Variants in COL21A1 observed in about 807,000 individuals in gnomAD.
COL21A1 encodes collagen alpha-1(XXI) chain.
Under a neutral mutation model 137.9 loss-of-function variants are expected in COL21A1, and 149 were observed. The observed-to-expected ratio is 1.08, with a 90% CI of 0.95 to 1.24. The LOEUF (loss-of-function observed/expected upper bound fraction) is 1.24. Ranked by LOEUF, COL21A1 falls within the 50% of genes most tolerant of loss-of-function variation. COL21A1 has a pLI of 0.00. For synonymous variants in COL21A1, 456 were observed against 391.5 expected (o/e 1.16, Z -1.95); for missense variants, 1,167 against 1,158.4 (o/e 1.01, Z -0.11).
chr6:56,061,779 T>A, intron 24 of COL21A1, 98 bp from the exon 25 acceptor site: 43 of 740,376 alleles, frequency 5.8e-5, no homozygotes, highest in Non-Finnish European at 9.3e-5. Context: ...ATTTAAAATT[T>A]CAATTTGGAA....
At chr6:56,065,409 A>G (rs1766154033) in intron 23 of COL21A1, among the ~76,000 whole-genome samples, 1 of 152,060 alleles carries the variant, frequency 6.6e-6, no homozygotes, top group African/African-American at 2.4e-5. Flanking sequence ...CACTGAAACA[A>G]AGATATCATT....
intron 1 of COL21A1, among the ~76,000 whole-genome samples, chr6:56,333,453 A>G (rs1480038783): frequency 1.3e-5 from 2 of 152,116 alleles, no homozygotes; most frequent in African/African-American, 4.8e-5. Flanking sequence ...CCATATTGTA[A>G]TGTATATCAA....
chr6:56,147,554 A>G (rs956570511), intron 10 of COL21A1, among the ~76,000 whole-genome samples: 1 of 152,038 alleles, frequency 6.6e-6, no homozygotes, highest in African/African-American at 2.4e-5. Flanking sequence ...AAACAGGCCT[A>G]CATTCACATG....
At chr6:56,327,012 T>C (rs1765110338) in intron 1 of COL21A1, among the ~76,000 whole-genome samples, 1 of 152,038 alleles carries the variant, frequency 6.6e-6, no homozygotes, top group Admixed American at 6.6e-5. Context: ...GACGCATATA[T>C]CTTCAGAATG....
At chr6:56,126,518 C>G (rs1427219567) in intron 12 of COL21A1, 1 of 184,544 alleles carries the variant, frequency 5.4e-6, no homozygotes, top group Admixed American at 6.2e-5. Flanking sequence ...TCCAATCCAG[C>G]TCAGTAATGA....
intron 1 of COL21A1, among the ~76,000 whole-genome samples, chr6:56,271,974 T>A (rs1763537976): frequency 6.6e-6 from 1 of 152,172 alleles, no homozygotes; most frequent in African/African-American, 2.4e-5. Context: ...CAGGCAGAAG[T>A]CTGCTGCAGG....
intron 1 of COL21A1, among the ~76,000 whole-genome samples, chr6:56,305,635 C>T (rs868852221): frequency 1.8e-4 from 28 of 152,118 alleles, no homozygotes; most frequent in African/African-American, 4.3e-4. Context: ...GTCTCATGCA[C>T]GTGAGATGGG....
At chr6:56,276,295 A>G (rs1333297569) in intron 1 of COL21A1, among the ~76,000 whole-genome samples, 1 of 152,188 alleles carries the variant, frequency 6.6e-6, no homozygotes, top group East Asian at 1.9e-4. Flanking sequence ...GATAGGTTCA[A>G]TCATACCCCA....
intron 7 of COL21A1, among the ~76,000 whole-genome samples, chr6:56,165,598 A>G (rs566048704): frequency 8.5e-5 from 13 of 152,352 alleles, no homozygotes; most frequent in African/African-American, 2.4e-4. Context: ...AATATCTAAA[A>G]CTATAGTGCT....
chr6:56,302,919 AAGGGATCC>A (rs1479043108), intron 1 of COL21A1, among the ~76,000 whole-genome samples: 2 of 152,152 alleles, frequency 1.3e-5, no homozygotes, highest in Non-Finnish European at 2.9e-5. Flanking sequence ...AGGTGTAAGG[AAGGGATCC>A]AGTTTCAGCT....
chr6:56,235,689 G>A (rs1781855668), intron 1 of COL21A1, among the ~76,000 whole-genome samples: 1 of 151,882 alleles, frequency 6.6e-6, no homozygotes, highest in African/African-American at 2.4e-5. Context: ...CTGGTGGTAT[G>A]TTTTAGAGTT....
intron 1 of COL21A1, among the ~76,000 whole-genome samples, chr6:56,288,302 G>T (rs530135314): frequency 6.6e-6 from 1 of 151,468 alleles, no homozygotes; most frequent in East Asian, 1.9e-4. Context: ...CCCACTAAAG[G>T]GTTTCACAGC....
rs1369029600 is a variant in COL21A1, at chr6:56,103,894, T to C, written c.1759-2369A>G. ...CTGGAATCTGCATTTCTAATAAGTT[T>C]ACAGAAGGTGCTGAGACTGCTAGTC... On this transcript the variant is annotated intron_variant, in intron 16 of 29. Transcript: ENST00000244728. Among the ~76,000 whole-genome samples the C allele has an allele frequency of 2.0e-5, 3 of 152,278 alleles. No individual in the cohort carries two copies. The East Asian group carries it at 5.8e-4, about 29-fold the overall frequency.
chr6:56,183,938 C>A (rs1337145732), intron 1 of COL21A1, among the ~76,000 whole-genome samples: 1 of 151,922 alleles, frequency 6.6e-6, no homozygotes, highest in Non-Finnish European at 1.5e-5. Flanking sequence ...CCTGCATCCA[C>A]TGGAGGAAAA....
At position 56,372,278 on chromosome 6, in the gene COL21A1, C is replaced by G. The variant is rs1409969811; in HGVS notation, c.-39+21693G>C. On this transcript the variant is annotated intron_variant, in intron 1 of 28. Coordinates refer to the COL21A1 transcript ENST00000370819. ...ATTTCATGCTCTCATTAGCTGAGAA[C>G]AGTATTCCTTGAAATACAGGAGACA... is the stretch of plus-strand genomic sequence containing the variant. Among the ~76,000 whole-genome samples the G allele has an allele frequency of 5.3e-5, 8 of 152,180 alleles. No individual in the cohort carries two copies. The South Asian group carries it at 1.7e-3, about 32-fold the overall frequency.
intron 1 of COL21A1, among the ~76,000 whole-genome samples, chr6:56,295,279 G>A (rs1046846003): frequency 6.6e-6 from 1 of 151,850 alleles, no homozygotes; most frequent in African/African-American, 2.4e-5. Flanking sequence ...CTATTTCTGG[G>A]CTCCCTGTTC....
chr6:56,375,746 T>C lies in COL21A1; in HGVS notation c.-39+18225A>G, dbSNP rs1461590911. Reference sequence around the variant, plus strand: ...CAAATCAAAATATTCCCTGAAAGACTTCATTATTGACCACATGTGGCTTGG... The same window carrying C: ...CAAATCAAAATATTCCCTGAAAGACCTCATTATTGACCACATGTGGCTTGG... On this transcript the variant is annotated intron_variant, in intron 1 of 28. Transcript: ENST00000370819. 2.0e-5 allele frequency among the ~76,000 whole-genome samples: 3 copies of C among 152,170 alleles called. No homozygotes were observed. The East Asian group carries it at 5.8e-4, about 29-fold the overall frequency.
chr6:56,250,565 A>G (rs1268242074), upstream of COL21A1, among the ~76,000 whole-genome samples: 2 of 152,210 alleles, frequency 1.3e-5, no homozygotes, highest in African/African-American at 4.8e-5. Flanking sequence ...TGAGCCTAGA[A>G]GATGACCCTG....
intron 1 of COL21A1, among the ~76,000 whole-genome samples, chr6:56,193,760 G>GT (rs138831794): frequency 1.0e-3 from 151 of 147,618 alleles, no homozygotes; most frequent in South Asian, 4.5e-3. Flanking sequence ...AGGTTTTTTT[G>GT]TTTTTTTTTT....
Sources: allele counts gnomAD v4.1 joint callset (sites outside exome capture counted in the v4.1 genomes callset), GRCh38; gene constraint gnomAD v4.1.1; transcripts MANE v1.5; gene names NCBI Gene and HGNC (gene_info 2026-07-23, HGNC 2026-07-21).